KAZN: variants seen among roughly 807,000 people sequenced by gnomAD.
KAZN encodes kazrin.
Under a neutral mutation model 87.4 loss-of-function variants are expected in KAZN, and 40 were observed. The ratio of observed to expected loss-of-function variants is 0.46; its 90% confidence interval spans 0.36 to 0.60. KAZN has a LOEUF of 0.60. Ranked by LOEUF, KAZN falls within the 20% of genes least tolerant of loss-of-function variation. The pLI, the probability that KAZN is intolerant of heterozygous loss-of-function variation, is 0.00. For synonymous variants in KAZN, 466 were observed against 458.3 expected (o/e 1.02, Z -0.22); for missense variants, 898 against 1,073.9 (o/e 0.84, Z 2.29).
At position 14,949,687 on chromosome 1, in the gene KAZN, T is replaced by G. The variant is rs537357880; in HGVS notation, c.227-10997T>G. Among the ~76,000 whole-genome samples, 22 of 152,206 alleles carry G rather than the reference T, an allele frequency of 1.4e-4. 1 individual carries two copies. The highest frequency in any genetic ancestry group is 1.2e-3 in the Admixed American group (19 of 15,290). ...CTGCAGTGCCAATCCTCAGGTGAAG[T>G]GGGGCTGGAGGTCTGCGATTCCTTG... On this transcript the variant is annotated intron_variant, in intron 1 of 14. Coordinates refer to ENST00000376030, the MANE Select transcript of KAZN (RefSeq NM_201628.3). The surrounding 1 kb of genome is among the most constrained non-coding windows in gnomAD (Gnocchi z 4.3).
chr1:14,337,742 A>G (rs1657373698), intron 2 of KAZN, among the ~76,000 whole-genome samples: 2 of 152,120 alleles, frequency 1.3e-5, no homozygotes, highest in African/African-American at 2.4e-5. Context: ...AAAAATACAA[A>G]AATTAACTGG....
At chr1:14,979,949 C>T (rs373320725) in intron 2 of KAZN, among the ~76,000 whole-genome samples, 227 of 152,212 alleles carry the variant, frequency 1.5e-3, no homozygotes, top group African/African-American at 4.5e-3. Context: ...AGTATAGTGG[C>T]GCAGTCTCGG....
At chr1:15,050,280 C>A (rs921953808) in intron 4 of KAZN, among the ~76,000 whole-genome samples, 2 of 152,160 alleles carry the variant, frequency 1.3e-5, no homozygotes, top group Admixed American at 6.5e-5. Flanking sequence ...CAGGCAGGCA[C>A]GCTGCAGAAC....
At chr1:13,950,941 C>A (rs1641323438) in intron 1 of KAZN, among the ~76,000 whole-genome samples, 1 of 152,090 alleles carries the variant, frequency 6.6e-6, no homozygotes, top group Non-Finnish European at 1.5e-5. Flanking sequence ...GATAGTGTTG[C>A]AGTTCTCGGG....
chr1:14,522,907 A>G (rs921383349), intron 2 of KAZN, among the ~76,000 whole-genome samples: 1 of 152,078 alleles, frequency 6.6e-6, no homozygotes, highest in Admixed American at 6.5e-5. Context: ...ATTCCACCTC[A>G]TTGATTCTCT....
intron 1 of KAZN, among the ~76,000 whole-genome samples, chr1:14,777,825 GT>G (rs1645224735): frequency 6.6e-6 from 1 of 152,164 alleles, no homozygotes; most frequent in African/African-American, 2.4e-5. Context: ...AGAACTGAGG[GT>G]TCCTCCCCTT....
intron 8 of KAZN, among the ~76,000 whole-genome samples, chr1:15,070,430 G>A (rs1005290104): frequency 6.6e-6 from 1 of 152,208 alleles, no homozygotes; most frequent in East Asian, 1.9e-4. Context: ...CACCTCCACT[G>A]GCCCTGCAGT....
chr1:14,663,430 TC>T (rs1487446736), intron 1 of KAZN, among the ~76,000 whole-genome samples: 1 of 152,172 alleles, frequency 6.6e-6, no homozygotes, highest in Non-Finnish European at 1.5e-5. Context: ...AGCACTTTTT[TC>T]CTTTCTCGAT....
intron 2 of KAZN, among the ~76,000 whole-genome samples, chr1:14,541,336 C>T (rs563895820): frequency 2.0e-5 from 3 of 152,234 alleles, no homozygotes; most frequent in East Asian, 1.9e-4. Context: ...ATTTCTATGA[C>T]GGTGATTTGT....
At position 14,137,084 on chromosome 1, in the gene KAZN, C is replaced by T. The variant is rs966369536; in HGVS notation, c.92-43351C>T. Reference sequence around the variant, plus strand: ...GCTAACATGCCCTGGGTTTTCCCAACAAGTGAGGAAGGAAGGGCCGCTGCT... The same window carrying T: ...GCTAACATGCCCTGGGTTTTCCCAATAAGTGAGGAAGGAAGGGCCGCTGCT... On this transcript the variant is annotated intron_variant, in intron 1 of 16. Coordinates refer to the KAZN transcript ENST00000636203. Among the ~76,000 whole-genome samples, 4 of 152,158 alleles carry T rather than the reference C, an allele frequency of 2.6e-5. No individual in the cohort carries two copies. In the South Asian group the frequency reaches 8.3e-4, roughly 32 times the overall value.
At chr1:14,799,388 T>C (rs1331091452) in intron 1 of KAZN, among the ~76,000 whole-genome samples, 1 of 152,226 alleles carries the variant, frequency 6.6e-6, no homozygotes, top group Non-Finnish European at 1.5e-5. Context: ...GGAATGCCTG[T>C]TCCGCTTTCA....
intron 2 of KAZN, among the ~76,000 whole-genome samples, chr1:14,299,905 C>A (rs1654415662): frequency 6.6e-6 from 1 of 152,142 alleles, no homozygotes; most frequent in Non-Finnish European, 1.5e-5. Flanking sequence ...ACAAAAATCA[C>A]CTCTATCATG....
intron 1 of KAZN, among the ~76,000 whole-genome samples, chr1:13,952,153 CTTTA>C (rs1557741715): frequency 6.6e-6 from 1 of 152,066 alleles, no homozygotes; most frequent in Non-Finnish European, 1.5e-5. Flanking sequence ...AGAGCTTCTA[CTTTA>C]TTTGTTATTA....
intron 2 of KAZN, among the ~76,000 whole-genome samples, chr1:14,193,780 T>C (rs906715812): frequency 2.0e-5 from 3 of 152,158 alleles, no homozygotes; most frequent in African/African-American, 7.2e-5. Flanking sequence ...GTTTCCTTGA[T>C]CTCCATAGAG....
At chr1:14,642,085 C>T (rs1254923944) in intron 1 of KAZN, among the ~76,000 whole-genome samples, 1 of 152,132 alleles carries the variant, frequency 6.6e-6, no homozygotes, top group African/African-American at 2.4e-5. Context: ...ACATCATTAG[C>T]TATGAGGGAA....
chr1:14,063,331 T>C (rs1358405085), intron 1 of KAZN, among the ~76,000 whole-genome samples: 2 of 152,146 alleles, frequency 1.3e-5, no homozygotes, highest in Non-Finnish European at 2.9e-5. Flanking sequence ...GTAACAATAA[T>C]TATAATGAAA....
chr1:14,094,657 A>G (rs369474089), intron 1 of KAZN, among the ~76,000 whole-genome samples: 1 of 152,188 alleles, frequency 6.6e-6, no homozygotes, highest in East Asian at 1.9e-4. Context: ...TTTAAAACCA[A>G]CCCCACAAAA....
chr1:14,736,303 AT>A (rs1211603234), intron 1 of KAZN, among the ~76,000 whole-genome samples: 180 of 114,824 alleles, frequency 1.6e-3, no homozygotes, highest in African/African-American at 3.8e-3. Flanking sequence ...GTGTGTGTAT[AT>A]TTTTTTTTTT....
At chr1:14,722,063 A>G (rs983495856) in intron 1 of KAZN, among the ~76,000 whole-genome samples, 1 of 151,996 alleles carries the variant, frequency 6.6e-6, no homozygotes, top group Non-Finnish European at 1.5e-5. Context: ...GCTGAGGTAG[A>G]ATTGCTTGAA....
Sources: allele counts gnomAD v4.1 joint callset (sites outside exome capture counted in the v4.1 genomes callset), GRCh38; gene constraint gnomAD v4.1.1; non-coding constraint Gnocchi (gnomAD v3.1); transcripts MANE v1.5; gene names NCBI Gene and HGNC (gene_info 2026-07-23, HGNC 2026-07-21).